RPS4X: variants seen among roughly 807,000 people sequenced by gnomAD.
RPS4X encodes the protein ribosomal protein S4 X-linked, also known as small ribosomal subunit protein eS4, X isoform.
For synonymous variants in RPS4X, 76 were observed against 76.8 expected, an observed-to-expected ratio of 0.99 and a Z score of 0.06; for missense variants, 90 against 219.1, an observed-to-expected ratio of 0.41 and a Z score of 3.72.
At chrX:72,273,004 G>A (rs994314127) in intron 6 of RPS4X, among the ~76,000 whole-genome samples, 1 of 111,906 alleles carries the variant, frequency 8.9e-6, no homozygotes, top group African/African-American at 3.2e-5. Context: ...TAATGTCTTA[G>A]AAGTTTATTG....
At chrX:72,275,825 T>C (rs2043200729) in intron 2 of RPS4X, 101 bp from the exon 3 acceptor site, 1 of 698,639 alleles carries the variant, frequency 1.4e-6, no homozygotes, top group Non-Finnish European at 2.1e-6. Flanking sequence ...AGACCGTCCA[T>C]ATTACACCCA....
chrX:72,275,000 T>C lies in RPS4X; in HGVS notation c.360+53A>G, dbSNP rs757006148. 7 of 845,658 alleles carry C rather than the reference T, an allele frequency of 8.3e-6. No individual in the cohort carries two copies. In the East Asian group the frequency reaches 2.2e-4, roughly 27 times the overall value. 69.7% of individuals were successfully genotyped at this position (845,658 alleles called of 1,213,427 possible). On this transcript the variant is annotated intron_variant, in intron 4 of 6. Coordinates refer to ENST00000316084, the MANE Select transcript of RPS4X (RefSeq NM_001007.5). ...CAGCACTCGTACTCAATGCAGGCCC[T>C]TAGAACAAAGTAACTATACTGAGTA...
intron 5 of RPS4X, among the ~76,000 whole-genome samples, 185 bp downstream of exon 5, chrX:72,273,616 C>T (rs757839116): frequency 9.0e-6 from 1 of 111,523 alleles, no homozygotes; most frequent in Non-Finnish European, 1.9e-5. Flanking sequence ...ACAGTAAGAC[C>T]CTCCTCTATA....
chrX:72,275,798 C>A, intron 2 of RPS4X, 74 bp from the exon 3 acceptor site: 5 of 889,330 alleles, frequency 5.6e-6, no homozygotes, highest in Non-Finnish European at 6.4e-6. Context: ...TCCACCAGAT[C>A]CACTAACTGA....
chrX:72,274,606 C>CT (rs1329993480), intron 4 of RPS4X: 6 of 260,398 alleles, frequency 2.3e-5, no homozygotes, highest in Non-Finnish European at 4.5e-5. Flanking sequence ...CAAGGACTGT[C>CT]TGTTTCCTCC....
chrX:72,277,131 G>A, intron 1 of RPS4X, 62 bp downstream of exon 1: 4 of 1,189,326 alleles, frequency 3.4e-6, no homozygotes, highest in Non-Finnish European at 4.6e-6. Flanking sequence ...ACCTCGGGCA[G>A]CCCCGGCCGG....
Position 72,275,036 on chromosome X carries a change from T to G in RPS4X, c.360+17A>C. On this transcript the variant is annotated intron_variant, in intron 4 of 6. Coordinates refer to ENST00000316084, the MANE Select transcript of RPS4X (RefSeq NM_001007.5). ...TAACTATACTGAGTAAAGACCCAGC[T>G]TGCTTGCCACACTCACCTTGGCCTC... is the stretch of plus-strand genomic sequence containing the variant. 8.8e-7 allele frequency: 1 copy of G among 1,136,957 alleles called. No homozygotes were observed. Among genetic ancestry groups the G allele is most frequent in the South Asian group, 1.8e-5 (1 of 54,881 alleles). The allele number at this position is 1,136,957 out of a possible 1,213,427, so 93.7% of individuals were successfully genotyped here. A position where few individuals can be genotyped will look rare whatever the true frequency, so the allele number is the denominator to read the frequency against.
intron 1 of RPS4X, 108 bp downstream of exon 1, chrX:72,277,085 C>T (rs1362991909): frequency 3.1e-6 from 3 of 963,004 alleles, no homozygotes; most frequent in South Asian, 4.2e-5. Flanking sequence ...GTGATCCCTT[C>T]GCCTCTGCCC....
intron 4 of RPS4X, chrX:72,274,832 G>T: frequency 2.8e-6 from 1 of 358,157 alleles, no homozygotes. Context: ...CCAATTTTAG[G>T]TATCCATCAA....
At chrX:72,276,509 G>T (rs1241816178) in intron 1 of RPS4X, among the ~76,000 whole-genome samples, 1 of 112,211 alleles carries the variant, frequency 8.9e-6, no homozygotes, top group African/African-American at 3.2e-5. Context: ...TTGCTAAAGT[G>T]TTTCCATGTT....
rs2043197926 is a variant in RPS4X, at chrX:72,275,243, C to A, written c.263-93G>T. 5 of 549,326 alleles carry A rather than the reference C, an allele frequency of 9.1e-6. No individual in the cohort carries two copies. In the East Asian group the frequency reaches 1.4e-4, roughly 16 times the overall value. 45.3% of individuals were successfully genotyped at this position (549,326 alleles called of 1,213,427 possible). A position where few individuals can be genotyped will look rare whatever the true frequency, so the allele number is the denominator to read the frequency against. Reference sequence around the variant, plus strand: ...TAGCTCTCTACGAAACAAAAAGAACCCCCATGTGCCTCCCAGTTCTAATCC... The same window carrying A: ...TAGCTCTCTACGAAACAAAAAGAACACCCATGTGCCTCCCAGTTCTAATCC... On this transcript the variant is annotated intron_variant, in intron 3 of 6. Transcript: ENST00000316084.
At position 72,275,567 on chromosome X, in the gene RPS4X, A is replaced by G. The variant is rs755703440; in HGVS notation, c.239T>C (p.Ile80Thr). 1.1e-5 allele frequency: 13 copies of G among 1,210,066 alleles called. No individual in the cohort carries two copies. Among genetic ancestry groups the G allele is most frequent in the East Asian group, 3.0e-5 (1 of 33,834 alleles). The change falls in exon 3 of 7, where the codon ATA becomes ACA. Residue 80 changes from isoleucine (I) to threonine (T), a missense_variant. Physicochemically the swap from Ile to Thr is moderately conservative, Grantham distance 89. Coordinates refer to ENST00000316084, the MANE Select transcript of RPS4X (RefSeq NM_001007.5). ...IKIDGKVRTD[I>T]TYPAGFMDVI... ...ACCCATGAATCCAGCAGGGTAGGTT[A>G]TATCAGTTCGGACCTTGCCATCGAT...
Position 72,276,249 on chromosome X carries a change from TTGCAA to T in RPS4X, c.4-20_4-16del. On this transcript the variant is annotated splice_polypyrimidine_tract_variant and intron_variant, in intron 1 of 6. Transcript: ENST00000316084. ...GGACCACGAGCCTGAAAGTTTTAGATTGCAATGCTGTTAATCAGGTTTCAGAACAG... is the reference window on the plus strand; with the variant it reads ...GGACCACGAGCCTGAAAGTTTTAGATTGCTGTTAATCAGGTTTCAGAACAG... 7.6e-6 allele frequency: 9 copies of T among 1,183,429 alleles called. No individual in the cohort carries two copies. The highest frequency in any genetic ancestry group is 1.0e-5 in the Non-Finnish European group (9 of 871,173).
At chrX:72,276,281 T>A (rs765001358) in intron 1 of RPS4X, 47 bp from the exon 2 acceptor site, 53 of 982,061 alleles carry the variant, frequency 5.4e-5, no homozygotes, top group Non-Finnish European at 7.3e-5. Flanking sequence ...TCAGAACAGC[T>A]TATAAAACCT....
At chrX:72,274,040 C>A (rs2043191673) in intron 4 of RPS4X, 68 bp from the exon 5 acceptor site, 1 of 955,721 alleles carries the variant, frequency 1.0e-6, no homozygotes, top group Admixed American at 2.6e-5. Context: ...TATACAGGAA[C>A]CATGGGTTCC....
chrX:72,274,490 C>T (rs771565618), intron 4 of RPS4X: 113 of 339,291 alleles, frequency 3.3e-4, no homozygotes, highest in Non-Finnish European at 5.9e-4. Context: ...CCTTCATTTA[C>T]AGCCAATAAT....
rs902825864 is a variant in RPS4X, at chrX:72,275,727, G to A, written c.82-3C>T. On this transcript the variant is annotated splice_polypyrimidine_tract_variant and splice_region_variant and intron_variant, in intron 2 of 6. Transcript: ENST00000316084. ...GGACCGGTGGATGGACGAGGAGCCT[G>A]TAACGTTAAAAATGATAATCACTGT... 8.5e-7 allele frequency: 1 copy of A among 1,182,055 alleles called. No individual in the cohort carries two copies. Among genetic ancestry groups the A allele is most frequent in the Non-Finnish European group, 1.1e-6 (1 of 878,499 alleles).
chrX:72,274,079 G>C lies in RPS4X; in HGVS notation c.361-107C>G, dbSNP rs186701296. 1.3e-5 allele frequency: 9 copies of C among 696,711 alleles called. No homozygotes were observed. In the East Asian group the frequency reaches 3.1e-4, roughly 24 times the overall value. The allele number at this position is 696,711 out of a possible 1,213,427, so 57.4% of individuals were successfully genotyped here. A position where few individuals can be genotyped will look rare whatever the true frequency, so the allele number is the denominator to read the frequency against. On this transcript the variant is annotated intron_variant, in intron 4 of 6. Transcript: ENST00000316084. ...ACTGCTGCAGATTAATTGTGACGCTGATCGTTCTTTCCACCCTCAAGTGTA... is the reference window on the plus strand; with the variant it reads ...ACTGCTGCAGATTAATTGTGACGCTCATCGTTCTTTCCACCCTCAAGTGTA...
At position 72,272,348 on chromosome X, in the gene RPS4X, G is replaced by C; in HGVS notation, c.*323C>G. Reference sequence around the variant, plus strand: ...GCCAAGGGAACTTAACAGGGCAGAGGGGTCCACTGTGTAGAGAAGTTCTTG... The same window carrying C: ...GCCAAGGGAACTTAACAGGGCAGAGCGGTCCACTGTGTAGAGAAGTTCTTG... On this transcript the variant is annotated 3_prime_UTR_variant, in exon 7 of 7. Transcript: ENST00000316084. The C allele has an allele frequency of 5.2e-6, 1 of 192,884 alleles. No homozygotes were observed. The highest frequency in any genetic ancestry group is 9.5e-6 in the Non-Finnish European group (1 of 105,054). 15.9% of individuals were successfully genotyped at this position (192,884 alleles called of 1,213,427 possible).
Sources: allele counts gnomAD v4.1 joint callset (sites outside exome capture counted in the v4.1 genomes callset), GRCh38; gene constraint gnomAD v4.1.1; transcripts MANE v1.5; gene names NCBI Gene and HGNC (gene_info 2026-07-23, HGNC 2026-07-21).